Variants in TNRC6B observed in about 807,000 individuals in gnomAD.
TNRC6B encodes the protein trinucleotide repeat containing adaptor 6B.
In TNRC6B, 52 loss-of-function variants were observed where a neutral mutation model predicts 203.6. The observed-to-expected ratio is 0.26, with a 90% CI of 0.20 to 0.32. The LOEUF (loss-of-function observed/expected upper bound fraction) is 0.32. Among genes scored for constraint, TNRC6B ranks in the 10% least tolerant of loss-of-function variants. The pLI, the probability that TNRC6B is intolerant of heterozygous loss-of-function variation, is 1.00. For synonymous variants in TNRC6B, 838 were observed against 845.7 expected (o/e 0.99, Z 0.16); for missense variants, 1,923 against 2,286.2 (o/e 0.84, Z 3.24).
chr22:40,086,363 A>T (rs1601807143), intron 1 of TNRC6B, among the ~76,000 whole-genome samples: 1 of 152,222 alleles, frequency 6.6e-6, no homozygotes, highest in African/African-American at 2.4e-5. Flanking sequence ...ATTTCATCAT[A>T]TTTCATAGAT....
At chr22:40,290,378 C>T (rs188744855) in intron 12 of TNRC6B, among the ~76,000 whole-genome samples, 3 of 152,322 alleles carry the variant, frequency 2.0e-5, no homozygotes, top group South Asian at 2.1e-4. Context: ...GCGGGAATCC[C>T]CTCGTGGCTG....
At chr22:40,262,501 C>CA (rs1569043135) in intron 4 of TNRC6B, among the ~76,000 whole-genome samples, 1 of 150,250 alleles carries the variant, frequency 6.7e-6, no homozygotes. Context: ...CATAATTGGA[C>CA]ATGGGGCTTG....
chr22:40,070,603 T>C (rs888260239), intron 1 of TNRC6B, among the ~76,000 whole-genome samples: 1 of 152,134 alleles, frequency 6.6e-6, no homozygotes, highest in Non-Finnish European at 1.5e-5. Context: ...ATATTCAAAG[T>C]AGAATATTTT....
At chr22:40,285,601 T>G (rs1267532548) in intron 11 of TNRC6B, 44 bp from the exon 12 acceptor site, 5 of 1,593,226 alleles carry the variant, frequency 3.1e-6, no homozygotes, top group Non-Finnish European at 4.3e-6. Flanking sequence ...ACTTGCATTT[T>G]CTTATGTTAA....
intron 21 of TNRC6B, among the ~76,000 whole-genome samples, 185 bp from the exon 22 acceptor site, chr22:40,320,905 C>T (rs563900673): frequency 6.6e-6 from 1 of 152,324 alleles, no homozygotes; most frequent in African/African-American, 2.4e-5. Flanking sequence ...CAAGTTAACA[C>T]TCCCACCTGT....
chr22:40,098,035 C>T (rs1460912527), intron 1 of TNRC6B, among the ~76,000 whole-genome samples: 1 of 151,902 alleles, frequency 6.6e-6, no homozygotes, highest in African/African-American at 2.4e-5. Flanking sequence ...TAAATAAATA[C>T]ATTTGTATAC....
At chr22:40,175,522 T>C (rs760341946), upstream of TNRC6B, among the ~76,000 whole-genome samples, 2 of 152,216 alleles carry the variant, frequency 1.3e-5, no homozygotes, top group African/African-American at 2.4e-5. Flanking sequence ...CACTGGGGAA[T>C]GGAGACTTAG....
At chr22:40,109,802 A>G (rs1441074533) in intron 1 of TNRC6B, among the ~76,000 whole-genome samples, 1 of 152,148 alleles carries the variant, frequency 6.6e-6, no homozygotes, top group Non-Finnish European at 1.5e-5. Context: ...CGTTTTCTCT[A>G]CGTTCTCTAA....
Position 40,059,379 on chromosome 22 carries a change from A to G in TNRC6B, c.-121+14381A>G, listed in dbSNP as rs577746847. Among the ~76,000 whole-genome samples the G allele has an allele frequency of 2.0e-5, 3 of 152,304 alleles. No individual in the cohort carries two copies. The East Asian group carries it at 5.8e-4, about 29-fold the overall frequency. On this transcript the variant is annotated intron_variant, in intron 1 of 23. Coordinates refer to the TNRC6B transcript ENST00000301923. Reference sequence around the variant, plus strand: ...TCTAATGGCATTTTTATAGATTTCGATGTTTTTTTAAACAAATATATCATT... The same window carrying G: ...TCTAATGGCATTTTTATAGATTTCGGTGTTTTTTTAAACAAATATATCATT...
At chr22:40,130,977 C>T (rs1271138806) in intron 3 of TNRC6B, among the ~76,000 whole-genome samples, 8 of 151,060 alleles carry the variant, frequency 5.3e-5, no homozygotes, top group Non-Finnish European at 8.8e-5. Context: ...TCTCGGGTCA[C>T]TGCAAGCTCC....
intron 1 of TNRC6B, among the ~76,000 whole-genome samples, chr22:40,199,075 G>A (rs959179464): frequency 1.3e-5 from 2 of 152,066 alleles, no homozygotes; most frequent in African/African-American, 2.4e-5. Context: ...CATGCCAAAA[G>A]GACCCAGAGT....
At chr22:40,311,078 T>G (rs752477825) in intron 17 of TNRC6B, 85 bp downstream of exon 17, 46 of 1,376,466 alleles carry the variant, frequency 3.3e-5, no homozygotes, top group Non-Finnish European at 4.1e-5. Context: ...CTTTTGTGAT[T>G]CATGTTACTA....
intron 4 of TNRC6B, among the ~76,000 whole-genome samples, chr22:40,163,203 C>T (rs879734319): frequency 6.6e-6 from 1 of 150,974 alleles, no homozygotes; most frequent in Non-Finnish European, 1.5e-5. Flanking sequence ...TGCTTGAGCT[C>T]AGGAATTAGA....
At chr22:40,185,594 T>C (rs143386129) in intron 1 of TNRC6B, among the ~76,000 whole-genome samples, 4 of 151,368 alleles carry the variant, frequency 2.6e-5, no homozygotes, top group Admixed American at 2.0e-4. Flanking sequence ...TTAGCTAGAG[T>C]AAGGTGGAGG....
At chr22:40,077,724 T>TA (rs1361433384) in intron 1 of TNRC6B, among the ~76,000 whole-genome samples, 2 of 152,290 alleles carry the variant, frequency 1.3e-5, no homozygotes, top group African/African-American at 4.8e-5. Flanking sequence ...GTAATCCTCT[T>TA]ACGCTGAGAT....
intron 1 of TNRC6B, among the ~76,000 whole-genome samples, chr22:40,242,247 CAT>C (rs2070040577): frequency 6.6e-6 from 1 of 151,984 alleles, no homozygotes; most frequent in Admixed American, 6.6e-5. Flanking sequence ...TATATACTCA[CAT>C]ATGTACACAA....
chr22:40,142,515 A>G (rs1049834892), intron 3 of TNRC6B, among the ~76,000 whole-genome samples: 12 of 152,158 alleles, frequency 7.9e-5, no homozygotes, highest in African/African-American at 1.4e-4. Flanking sequence ...AACAATAACA[A>G]TTCTTACTGT....
intron 6 of TNRC6B, 49 bp downstream of exon 6, chr22:40,270,329 T>G: frequency 3.0e-6 from 4 of 1,343,134 alleles, no homozygotes; most frequent in Non-Finnish European, 3.8e-6. Flanking sequence ...TTTTTTTTTT[T>G]TTAATTGAGA....
At chr22:40,075,404 A>G (rs961634156) in intron 1 of TNRC6B, among the ~76,000 whole-genome samples, 1 of 151,436 alleles carries the variant, frequency 6.6e-6, no homozygotes, top group Non-Finnish European at 1.5e-5. Flanking sequence ...CCCTGGTAAT[A>G]TTTCTTATCC....
Sources: gnomAD v4.1 joint callset for allele counts (sites outside exome capture counted in the v4.1 genomes callset) on GRCh38, gnomAD v4.1.1 for gene constraint, MANE v1.5 for transcripts, NCBI Gene and HGNC (gene_info 2026-07-23, HGNC 2026-07-21) for gene names.